The following GRM1 variants were observed in gnomAD, a reference collection of about 807,000 sequenced individuals.
GRM1 encodes the protein metabotropic glutamate receptor 1.
GRM1 carries 33 observed loss-of-function variants against 90.9 expected under a neutral mutation model. That is an observed-to-expected ratio of 0.36 (90% confidence interval 0.28 to 0.49). The LOEUF is 0.49. GRM1 is among the 20% of genes least tolerant of loss of function. The pLI, the probability that GRM1 is intolerant of heterozygous loss-of-function variation, is 0.99. For missense variants in GRM1, 1,190 were observed against 1,534.3 expected (o/e 0.78, Z 3.75); for synonymous variants, 700 against 613.2 (o/e 1.14, Z -2.09).
chr6:146,364,788 T>TG (rs1775615140), intron 5 of GRM1: 1 of 151,656 alleles, frequency 6.6e-6, no homozygotes. Flanking sequence ...TTTTTTTTTT[T>TG]TTGGAACAAT....
At chr6:146,223,234 A>G (rs1475477440) in intron 2 of GRM1, among the ~76,000 whole-genome samples, 1 of 152,092 alleles carries the variant, frequency 6.6e-6, no homozygotes, top group Non-Finnish European at 1.5e-5. Context: ...AGCTTCCTGC[A>G]CCTTTGTACA....
At position 146,388,633 on chromosome 6, in the gene GRM1, T is replaced by G. The variant is rs555199645; in HGVS notation, c.1729+1617T>G. ...TCAGAACGTTTTTGAAGGTATGAACTGCATCTCACTCATCTTTTTATTTGC... is the reference window on the plus strand; with the variant it reads ...TCAGAACGTTTTTGAAGGTATGAACGGCATCTCACTCATCTTTTTATTTGC... On this transcript the variant is annotated intron_variant, in intron 6 of 7. Coordinates refer to ENST00000282753, the MANE Select transcript of GRM1 (RefSeq NM_001278064.2). Among the ~76,000 whole-genome samples, 3 of 152,190 alleles carry G rather than the reference T, an allele frequency of 2.0e-5. No homozygotes were observed. The East Asian group carries it at 5.8e-4, about 29-fold the overall frequency.
intron 2 of GRM1, among the ~76,000 whole-genome samples, chr6:146,169,124 C>CT (rs1778011915): frequency 6.6e-6 from 1 of 151,990 alleles, no homozygotes; most frequent in Admixed American, 6.6e-5. Flanking sequence ...TTATTTTCCA[C>CT]TTTTTTCTTT....
intron 1 of GRM1, among the ~76,000 whole-genome samples, chr6:146,040,278 G>A (rs1045753799): frequency 2.0e-5 from 3 of 151,994 alleles, no homozygotes; most frequent in Non-Finnish European, 4.4e-5. Context: ...TTCTGTACTA[G>A]TAGCGATACA....
At chr6:146,035,914 T>C (rs1790874225) in intron 1 of GRM1, among the ~76,000 whole-genome samples, 1 of 151,976 alleles carries the variant, frequency 6.6e-6, no homozygotes, top group South Asian at 2.1e-4. Context: ...TTTCATTATT[T>C]TGAGTAAACT....
At chr6:146,341,857 A>G (rs1784994358) in intron 3 of GRM1, among the ~76,000 whole-genome samples, 1 of 152,162 alleles carries the variant, frequency 6.6e-6, no homozygotes, top group African/African-American at 2.4e-5. Context: ...TCCTTGTGGC[A>G]CCTTAGAGCT....
chr6:146,169,645 T>G (rs1325391455), intron 2 of GRM1, among the ~76,000 whole-genome samples: 1 of 152,162 alleles, frequency 6.6e-6, no homozygotes, highest in East Asian at 1.9e-4. Flanking sequence ...GTTTTCTTAT[T>G]TTTCGCTGAA....
intron 2 of GRM1, among the ~76,000 whole-genome samples, chr6:146,276,849 C>A (rs1782387330): frequency 6.6e-6 from 1 of 151,924 alleles, no homozygotes. Flanking sequence ...GTATGTAATC[C>A]CAGCACTTTG....
chr6:146,400,486 C>T (rs1384118014), intron 7 of GRM1, among the ~76,000 whole-genome samples: 1 of 152,058 alleles, frequency 6.6e-6, no homozygotes, highest in Non-Finnish European at 1.5e-5. Context: ...AGATGAATTC[C>T]AGATGAATTC....
intron 7 of GRM1, among the ~76,000 whole-genome samples, chr6:146,428,219 C>T (rs2114680791): frequency 6.6e-6 from 1 of 151,970 alleles, no homozygotes; most frequent in South Asian, 2.1e-4. Flanking sequence ...ATGGTTGTTC[C>T]TGTTAAATTT....
intron 1 of GRM1, among the ~76,000 whole-genome samples, chr6:146,115,433 A>G (rs954059557): frequency 1.3e-5 from 2 of 152,084 alleles, no homozygotes; most frequent in African/African-American, 4.8e-5. Flanking sequence ...ACTTTACTTT[A>G]TAGTATGCTA....
intron 1 of GRM1, among the ~76,000 whole-genome samples, chr6:146,091,488 T>A (rs769179618): frequency 3.3e-5 from 5 of 152,004 alleles, no homozygotes; most frequent in Non-Finnish European, 5.9e-5. Context: ...GTGTGCTAGA[T>A]GTTTGGTAGC....
intron 2 of GRM1, among the ~76,000 whole-genome samples, chr6:146,282,462 C>CA (rs1782604247): frequency 6.6e-6 from 1 of 150,706 alleles, no homozygotes; most frequent in South Asian, 2.1e-4. Context: ...AGCAGCCACT[C>CA]AAAAAATATT....
intron 1 of GRM1, among the ~76,000 whole-genome samples, chr6:146,131,971 T>C (rs1776416618): frequency 6.6e-6 from 1 of 152,130 alleles, no homozygotes; most frequent in South Asian, 2.1e-4. Context: ...GGAGTAAGCC[T>C]AGCAAAGCCA....
chr6:146,269,681 C>A (rs1208824973), intron 2 of GRM1, among the ~76,000 whole-genome samples: 2 of 152,110 alleles, frequency 1.3e-5, no homozygotes, highest in African/African-American at 2.4e-5. Flanking sequence ...GGAATGCAAA[C>A]CCTGTTGTAA....
chr6:146,428,227 T>A (rs931393655), intron 7 of GRM1, among the ~76,000 whole-genome samples: 27 of 151,782 alleles, frequency 1.8e-4, no homozygotes, highest in Non-Finnish European at 2.9e-4. Context: ...TCCTGTTAAA[T>A]TTTTTTTTAA....
rs567921649 is a variant in GRM1, at chr6:146,162,192, G to A, written c.950+2595G>A. 4.6e-5 allele frequency among the ~76,000 whole-genome samples: 7 copies of A among 152,124 alleles called. No homozygotes were observed. The South Asian group carries it at 6.2e-4, about 14-fold the overall frequency. ...CAGAAGCCATTGTTTGGTTTCTTTC[G>A]TAACACACGGTATGATTCTGGCTAC... is the stretch of plus-strand genomic sequence containing the variant. On this transcript the variant is annotated intron_variant, in intron 2 of 7. Coordinates refer to ENST00000282753, the MANE Select transcript of GRM1 (RefSeq NM_001278064.2).
chr6:146,035,398 G>T (rs985374160), intron 1 of GRM1, among the ~76,000 whole-genome samples: 2 of 151,878 alleles, frequency 1.3e-5, no homozygotes, highest in African/African-American at 4.8e-5. Flanking sequence ...CGAAAGAAAA[G>T]CCAGATATTG....
At chr6:146,031,215 T>C (rs1790695670) in intron 1 of GRM1, among the ~76,000 whole-genome samples, 1 of 152,190 alleles carries the variant, frequency 6.6e-6, no homozygotes, top group Admixed American at 6.5e-5. Context: ...GCTCAGCTAC[T>C]CTTAAGTCCC....
Sources: gnomAD v4.1 joint callset for allele counts (sites outside exome capture counted in the v4.1 genomes callset) on GRCh38, gnomAD v4.1.1 for gene constraint, MANE v1.5 for transcripts, NCBI Gene and HGNC (gene_info 2026-07-23, HGNC 2026-07-21) for gene names.